The following TTN variants were observed in gnomAD, a reference collection of about 807,000 sequenced individuals.
TTN encodes connectin.
TTN carries 1,525 observed loss-of-function variants against 3,223.0 expected under a neutral mutation model. The observed-to-expected ratio is 0.47, with a 90% CI of 0.45 to 0.49. TTN has a LOEUF of 0.49. TTN is among the 20% of genes least tolerant of loss of function. TTN has a pLI of 0.00. For synonymous variants in TTN, 14,094 were observed against 15,161.0 expected, an observed-to-expected ratio of 0.93 and a Z score of 5.17; for missense variants, 40,786 against 43,424.0, an observed-to-expected ratio of 0.94 and a Z score of 5.40.
Position 178,721,827 on chromosome 2 carries a change from C to A in TTN, c.22816+20G>T. On this transcript the variant is annotated intron_variant, in intron 78 of 362. Transcript: ENST00000589042. ...AAATATGGTAAGGAACAAATATTGT[C>A]AAAAGTCATGGAATGATACCTTTTA... is the stretch of plus-strand genomic sequence containing the variant. The A allele has an allele frequency of 6.8e-7, 1 of 1,475,030 alleles. No homozygotes were observed. The highest frequency in any genetic ancestry group is 2.3e-5 in the Admixed American group (1 of 43,994). 91.4% of individuals were successfully genotyped at this position (1,475,030 alleles called of 1,614,324 possible).
chr2:178,556,401 A>T (rs1373996654), intron 330 of TTN: 1 of 198,072 alleles, frequency 5.0e-6, no homozygotes, highest in African/African-American at 2.4e-5. Context: ...ACTGCACTAC[A>T]GCCTGGGCGA....
chr2:178,625,328 C>T lies in TTN; in HGVS notation c.44493G>A (p.Gly14831=). The change falls in exon 241 of 363, where the codon GGG becomes GGA. Residue 14831 remains glycine, a synonymous_variant. Coordinates refer to ENST00000589042, the MANE Select transcript of TTN (RefSeq NM_001267550.2). ...AATCTTTTGCTGTTAGTTGGACTTC[C>T]CCAGCATCTTCTAACTTTACATCCC... ...TLRDVKLEDA[G]EVQLTAKDFK... 6.2e-7 allele frequency: 1 copy of T among 1,604,686 alleles called. No homozygotes were observed. The highest frequency in any genetic ancestry group is 8.5e-7 in the Non-Finnish European group (1 of 1,175,828).
chr2:178,635,685 A>G lies in TTN; in HGVS notation c.41639T>C (p.Ile13880Thr). 1 of 1,602,240 alleles carries G rather than the reference A, an allele frequency of 6.2e-7. No homozygotes were observed. The highest frequency in any genetic ancestry group is 8.5e-7 in the Non-Finnish European group (1 of 1,174,002). The change falls in exon 227 of 363, where the codon ATA becomes ACA. Residue 13880 changes from isoleucine (I) to threonine (T), a missense_variant. Ile to Thr is a moderately conservative substitution (Grantham distance 89). Coordinates refer to ENST00000589042, the MANE Select transcript of TTN (RefSeq NM_001267550.2). ...CTTGGGTTTCACATGCTGGTCTCGT[A>G]TAGGTTTCACCAGCCAATCTCTAAT... is the stretch of plus-strand genomic sequence containing the variant. ...EVIRDWLVKP[I>T]RDQHVKPKGT...
At position 178,768,950 on chromosome 2, in the gene TTN, A is replaced by G. The variant is rs1406497401; in HGVS notation, c.8903-17T>C. 1 of 1,612,824 alleles carries G rather than the reference A, an allele frequency of 6.2e-7. No individual in the cohort carries two copies. The highest frequency in any genetic ancestry group is 1.7e-5 in the Admixed American group (1 of 60,004). On this transcript the variant is annotated splice_polypyrimidine_tract_variant and intron_variant, in intron 37 of 362. Coordinates refer to ENST00000589042, the MANE Select transcript of TTN (RefSeq NM_001267550.2). ...TCATGATTGCTGCAAAGGAGAAAAG[A>G]AAAAACACCCAAGGAGACTTTACGT...
intron 88 of TTN, among the ~76,000 whole-genome samples, chr2:178,716,178 G>C (rs926985378): frequency 6.6e-6 from 1 of 152,112 alleles, no homozygotes; most frequent in Non-Finnish European, 1.5e-5. Flanking sequence ...TCCTAAGGCT[G>C]CAATGCTATC....
chr2:178,685,479 G>A (rs1307425368), intron 128 of TTN, 39 bp downstream of exon 128: 6 of 1,575,456 alleles, frequency 3.8e-6, no homozygotes, highest in African/African-American at 1.4e-5. Flanking sequence ...AAGGAGACAA[G>A]CTAACATAGG....
intron 334 of TTN, 37 bp from the exon 335 acceptor site, chr2:178,553,433 A>G (rs778025108): frequency 2.3e-5 from 36 of 1,570,400 alleles, no homozygotes; most frequent in Non-Finnish European, 2.9e-5. Flanking sequence ...GTGAATTTTA[A>G]AAGCAAAAAA....
intron 114 of TTN, 66 bp from the exon 115 acceptor site, chr2:178,695,476 G>T: frequency 8.1e-7 from 1 of 1,227,334 alleles, no homozygotes; most frequent in African/African-American, 1.5e-5. Flanking sequence ...GTTGTTAATT[G>T]CAAATGAGAT....
chr2:178,624,670 T>G lies in TTN; in HGVS notation c.44610A>C (p.Ala14870=). ...CTCTGGAGACTTCACACTCCAGCAC[T>G]GCAGTGGCTCCCTCTTCGACCGTCT... is the stretch of plus-strand genomic sequence containing the variant. ...EDQTVEEGAT[A]VLECEVSREN... is the part of the protein sequence containing the mutation. The change falls in exon 242 of 363, where the codon GCA becomes GCC. Residue 14870 remains alanine, a synonymous_variant. Coordinates refer to ENST00000589042, the MANE Select transcript of TTN (RefSeq NM_001267550.2). 1 of 1,612,554 alleles carries G rather than the reference T, an allele frequency of 6.2e-7. No homozygotes were observed. The highest frequency in any genetic ancestry group is 8.5e-7 in the Non-Finnish European group (1 of 1,179,090).
chr2:178,717,684 C>A lies in TTN; in HGVS notation c.25190G>T (p.Gly8397Val), dbSNP rs1371524855. The A allele has an allele frequency of 1.9e-6, 3 of 1,613,414 alleles. No individual in the cohort carries two copies. Among genetic ancestry groups the A allele is most frequent in the East Asian group, 4.5e-5 (2 of 44,830 alleles). The change falls in exon 87 of 363, where the codon GGG becomes GTG. Residue 8397 changes from glycine to valine, a missense_variant. Coordinates refer to ENST00000589042, the MANE Select transcript of TTN (RefSeq NM_001267550.2). ...EPLQVSWYKD[G>V]VLLKDDANLQ... ...ATTAGCATCATCTTTCAAAAGAACC[C>A]CATCCTTGTACCAAGACACTTGAAG...
intron 191 of TTN, 87 bp from the exon 192 acceptor site, chr2:178,654,621 T>G: frequency 8.3e-7 from 1 of 1,201,684 alleles, no homozygotes; most frequent in Non-Finnish European, 1.1e-6. Context: ...ATATTTTGGA[T>G]AGTGATTGAC....
At chr2:178,648,665 C>T (rs2062418707) in intron 213 of TTN, among the ~76,000 whole-genome samples, 1 of 152,164 alleles carries the variant, frequency 6.6e-6, no homozygotes, top group South Asian at 2.1e-4. Context: ...CCACCTTGGC[C>T]TCCCCAAGTG....
chr2:178,724,628 A>G, intron 71 of TTN, 90 bp from the exon 72 acceptor site: 1 of 1,368,382 alleles, frequency 7.3e-7, no homozygotes, highest in South Asian at 2.0e-5. Flanking sequence ...TCTCCCAGTG[A>G]GATGGTTATG....
Position 178,725,328 on chromosome 2 carries a change from G to T in TTN, c.20836+40C>A, listed in dbSNP as rs2079148755. 3.5e-6 allele frequency: 5 copies of T among 1,429,356 alleles called. No homozygotes were observed. In the East Asian group the frequency reaches 1.3e-4, roughly 36 times the overall value. 88.5% of individuals were successfully genotyped at this position (1,429,356 alleles called of 1,614,324 possible). On this transcript the variant is annotated intron_variant, in intron 71 of 362. Transcript: ENST00000589042. ...CAGTAACTCTTAGTAATTCATTCCA[G>T]CATTTGGCACCAGTTTCTATCGTGG...
At chr2:178,806,209 T>C (rs1380452444) in intron 1 of TTN, among the ~76,000 whole-genome samples, 1 of 152,204 alleles carries the variant, frequency 6.6e-6, no homozygotes, top group Non-Finnish European at 1.5e-5. Flanking sequence ...ATTTTTTTTG[T>C]CAGAAACTCC....
intron 199 of TTN, 54 bp downstream of exon 199, chr2:178,652,987 T>C: frequency 6.2e-7 from 1 of 1,605,114 alleles, no homozygotes. Flanking sequence ...TAGAAAAGTA[T>C]TTTCAAGAAA....
At position 178,546,488 on chromosome 2, in the gene TTN, C is replaced by T. The variant is rs72648254; in HGVS notation, c.94843G>A (p.Glu31615Lys). ...TCACCGTGTAATCGGGCATCCAGTT[C>T]GGCTTTGGGTGGAGCTGTCAGTAGG... ...CRDEYAPPKA[E>K]LDARLHGDLV... Residue 31615 changes from glutamate (E) to lysine (K), a missense_variant, in exon 342 of 363, where the codon GAA becomes AAA. Physicochemically the swap from Glu to Lys is moderately conservative, Grantham distance 56 (BLOSUM62 1). Transcript: ENST00000589042. The T allele has an allele frequency of 1.6e-5, 26 of 1,611,524 alleles. No homozygotes were observed. Among genetic ancestry groups the T allele is most frequent in the East Asian group, 4.5e-5 (2 of 44,764 alleles).
rs1434668332 is a variant in TTN, at chr2:178,632,602, T to G, written c.43404A>C (p.Ser14468=). The change falls in exon 235 of 363, where the codon TCA becomes TCC. Residue 14468 remains serine (S), a synonymous_variant. Coordinates refer to ENST00000589042, the MANE Select transcript of TTN (RefSeq NM_001267550.2). ...DGTKHSMVIK[S]AAFEDEAKYM... ...ATTTTGCTTCATCTTCAAAAGCAGC[T>G]GACTTGATCACCATTGAATGCTTAG... 1 of 1,613,398 alleles carries G rather than the reference T, an allele frequency of 6.2e-7. No homozygotes were observed. The highest frequency in any genetic ancestry group is 8.5e-7 in the Non-Finnish European group (1 of 1,179,596).
Position 178,781,214 on chromosome 2 carries a change from A to G in TTN, c.3430T>C (p.Ser1144Pro). The change falls in exon 21 of 363, where the codon TCT becomes CCT. Residue 1144 changes from serine to proline, a missense_variant. Ser to Pro is a moderately conservative substitution (Grantham distance 74, BLOSUM62 -1). Transcript: ENST00000589042. The part of the protein sequence containing the change: ...KQTGECKLVI[S>P]MTFADDAGEY... ...CCAGCATCATCAGCAAAAGTCATAG[A>G]AATCACCAGCTTGCATTCACCGGTT... 1 of 1,614,052 alleles carries G rather than the reference A, an allele frequency of 6.2e-7. No individual in the cohort carries two copies. Among genetic ancestry groups the G allele is most frequent in the South Asian group, 1.1e-5 (1 of 91,084 alleles).
Sources: allele counts gnomAD v4.1 joint callset (sites outside exome capture counted in the v4.1 genomes callset), GRCh38; gene constraint gnomAD v4.1.1; transcripts MANE v1.5; gene names NCBI Gene and HGNC (gene_info 2026-07-23, HGNC 2026-07-21).